GSE1: variants seen among roughly 807,000 people sequenced by gnomAD.
GSE1 encodes Gse1 coiled-coil protein, also known as genetic suppressor element 1.
GSE1 carries 32 observed loss-of-function variants against 112.6 expected under a neutral mutation model. The ratio of observed to expected loss-of-function variants is 0.28; its 90% confidence interval spans 0.21 to 0.38. The LOEUF (loss-of-function observed/expected upper bound fraction) is 0.38, where lower values mean the gene tolerates loss of function less well. Ranked by LOEUF, GSE1 falls within the 10% of genes least tolerant of loss-of-function variation. The probability of loss-of-function intolerance (pLI) is 1.00; values close to 1 mark genes in which losing one functional copy is unlikely to be tolerated. For synonymous variants in GSE1, 1,115 were observed against 735.6 expected (o/e 1.52, Z -8.35); for missense variants, 2,348 against 1,699.2 (o/e 1.38, Z -6.71).
At chr16:85,382,886 G>GCA (rs576816245) in intron 2 of GSE1, among the ~76,000 whole-genome samples, 1 of 150,552 alleles carries the variant, frequency 6.6e-6, no homozygotes, top group Non-Finnish European at 1.5e-5. Flanking sequence ...CACACACCGT[G>GCA]CACACACACG....
intron 1 of GSE1, among the ~76,000 whole-genome samples, chr16:85,241,540 A>C (rs1340958712): frequency 3.9e-5 from 6 of 152,068 alleles, no homozygotes; most frequent in Admixed American, 3.9e-4. Context: ...CCTTTACCTC[A>C]CACCGCAGGG....
At chr16:85,506,407 G>T (rs910749156) in intron 2 of GSE1, among the ~76,000 whole-genome samples, 1 of 152,178 alleles carries the variant, frequency 6.6e-6, no homozygotes, top group Non-Finnish European at 1.5e-5. Flanking sequence ...CTGATGGATG[G>T]CGTCCAAGCG....
chr16:85,648,658 C>A lies in GSE1; in HGVS notation c.333C>A (p.Pro111=). 6.2e-7 allele frequency: 1 copy of A among 1,602,522 alleles called. No homozygotes were observed. Among genetic ancestry groups the A allele is most frequent in the Non-Finnish European group, 8.5e-7 (1 of 1,171,870 alleles). Reference sequence around the variant, plus strand: ...TGCCCATGGGCCCTATCATCGTCCCCCCTGGGGGCCACAGCGTGCCCAGCA... The same window carrying A: ...TGCCCATGGGCCCTATCATCGTCCCACCTGGGGGCCACAGCGTGCCCAGCA... ...KRVPMGPIIV[P]PGGHSVPSTP... Residue 111 remains proline, a synonymous_variant, in exon 3 of 16, where the codon CCC becomes CCA. Coordinates refer to ENST00000253458, the MANE Select transcript of GSE1 (RefSeq NM_014615.5).
chr16:85,629,776 C>G (rs72801187), intron 1 of GSE1, among the ~76,000 whole-genome samples: 3,407 of 152,268 alleles, frequency 0.022, 43 homozygotes, highest in Middle Eastern at 0.061. Context: ...TGCAGAGTCT[C>G]TGTGTGCAGA....
chr16:85,250,976 G>C (rs190403062), intron 1 of GSE1, among the ~76,000 whole-genome samples: 2 of 152,362 alleles, frequency 1.3e-5, no homozygotes, highest in African/African-American at 2.4e-5. Flanking sequence ...AGTCATCCAT[G>C]TAGCACAAGT....
intron 2 of GSE1, among the ~76,000 whole-genome samples, chr16:85,550,579 G>A (rs1169578808): frequency 1.3e-5 from 2 of 152,148 alleles, no homozygotes; most frequent in Non-Finnish European, 2.9e-5. Flanking sequence ...CTCCAGAGGG[G>A]GGGGTTGTGG....
At chr16:85,474,785 G>C (rs539507472) in intron 2 of GSE1, among the ~76,000 whole-genome samples, 21 of 152,074 alleles carry the variant, frequency 1.4e-4, no homozygotes, top group African/African-American at 4.8e-4. Context: ...AGGACCCCTG[G>C]AAGGGGGAGC....
chr16:85,299,692 T>C (rs1257728375), intron 1 of GSE1, among the ~76,000 whole-genome samples: 1 of 152,092 alleles, frequency 6.6e-6, no homozygotes, highest in African/African-American at 2.4e-5. Context: ...CTTTGGAAGG[T>C]CAAGGCAGCA....
chr16:85,618,216 G>A (rs1158344679), intron 1 of GSE1, among the ~76,000 whole-genome samples: 1 of 152,104 alleles, frequency 6.6e-6, no homozygotes, highest in East Asian at 1.9e-4. Context: ...CGTGAGGGGG[G>A]TGCGTGCTAA....
chr16:85,393,005 C>A (rs185199566), intron 2 of GSE1, among the ~76,000 whole-genome samples: 4 of 152,210 alleles, frequency 2.6e-5, no homozygotes, highest in African/African-American at 9.6e-5. Context: ...ACATAAGGAC[C>A]GCAGGCTGGT....
Position 85,496,900 on chromosome 16 carries a change from G to GTTT in GSE1, c.2465-137012_2465-137011insTTT, listed in dbSNP as rs68076025. 3.8e-3 allele frequency among the ~76,000 whole-genome samples: 558 copies of GTTT among 147,004 alleles called. 2 individuals are homozygous for GTTT. The highest frequency in any genetic ancestry group is 7.2e-3 in the Admixed American group (107 of 14,940). ...GTGCCCCCTTTTGGTCTGGGTCTTT[G>GTTT]TTGTTTTTTTTTTCTTGAAATGGAG... On this transcript the variant is annotated intron_variant, in intron 2 of 2. Coordinates refer to the GSE1 transcript ENST00000637419.
Position 85,343,337 on chromosome 16 carries a change from A to G in GSE1, c.2284-14126A>G, listed in dbSNP as rs138494035. The stretch of plus-strand genomic sequence containing the variant: ...ATGGAGAGCAGATTAGCGGTTATCA[A>G]TTCCTGCTTGTGGCGGGTACTACAG... On this transcript the variant is annotated intron_variant, in intron 1 of 2. Coordinates refer to the GSE1 transcript ENST00000637419. 4.3e-3 allele frequency among the ~76,000 whole-genome samples: 653 copies of G among 152,244 alleles called. 6 individuals are homozygous for G. The highest frequency in any genetic ancestry group is 0.015 in the African/African-American group (612 of 41,554).
chr16:85,339,152 C>G (rs1310319183), intron 1 of GSE1, among the ~76,000 whole-genome samples: 1 of 152,214 alleles, frequency 6.6e-6, no homozygotes, highest in South Asian at 2.1e-4. Flanking sequence ...ATTTCCCTCC[C>G]CACCAGCCAG....
At chr16:85,384,994 C>T (rs1304252311) in intron 2 of GSE1, among the ~76,000 whole-genome samples, 3 of 152,228 alleles carry the variant, frequency 2.0e-5, no homozygotes, top group Non-Finnish European at 4.4e-5. Context: ...CCGCCCTGGC[C>T]TCGGATTGGC....
chr16:85,493,763 C>G (rs1214846901), intron 2 of GSE1, among the ~76,000 whole-genome samples: 1 of 134,882 alleles, frequency 7.4e-6, no homozygotes, highest in African/African-American at 2.8e-5. Flanking sequence ...GCACTCTAGC[C>G]TGGGCAACGA....
intron 2 of GSE1, among the ~76,000 whole-genome samples, chr16:85,515,614 G>C (rs568435725): frequency 1.3e-4 from 20 of 151,758 alleles, no homozygotes; most frequent in South Asian, 8.4e-4. Context: ...TTTTCTGTGT[G>C]GGGGGAGATC....
At chr16:85,366,691 G>A (rs767756841) in intron 2 of GSE1, among the ~76,000 whole-genome samples, 42 of 152,124 alleles carry the variant, frequency 2.8e-4, no homozygotes, top group Non-Finnish European at 4.1e-4. Flanking sequence ...CCTTGCTAGC[G>A]TGTGACTCTG....
At chr16:85,585,510 T>G (rs2046650766) in intron 1 of GSE1, among the ~76,000 whole-genome samples, 1 of 152,246 alleles carries the variant, frequency 6.6e-6, no homozygotes. Flanking sequence ...AAACACTCGC[T>G]TTGGCACGTG....
intron 2 of GSE1, among the ~76,000 whole-genome samples, chr16:85,403,382 C>G (rs1212513499): frequency 6.6e-6 from 1 of 152,172 alleles, no homozygotes; most frequent in Non-Finnish European, 1.5e-5. Context: ...GAGGCGTGGT[C>G]ATTGGGGGCT....
Sources: allele counts gnomAD v4.1 joint callset (sites outside exome capture counted in the v4.1 genomes callset), GRCh38; gene constraint gnomAD v4.1.1; transcripts MANE v1.5; gene names NCBI Gene and HGNC (gene_info 2026-07-23, HGNC 2026-07-21).